MGMT: variants seen among roughly 807,000 people sequenced by gnomAD.
The protein encoded by MGMT is O-6-methylguanine-DNA methyltransferase.
A neutral mutation model predicts 15.9 loss-of-function variants in MGMT; 14 were observed. The observed-to-expected ratio is 0.88, with a 90% CI of 0.58 to 1.37. MGMT has a LOEUF of 1.37. Among genes scored for constraint, MGMT ranks in the 40% most tolerant of loss-of-function variants. The pLI is 0.00. For missense variants in MGMT, 282 were observed against 268.1 expected, an observed-to-expected ratio of 1.05 and a Z score of -0.36; for synonymous variants, 130 against 118.2, an observed-to-expected ratio of 1.10 and a Z score of -0.65.
At chr10:129,545,436 C>G (rs1174335692) in intron 2 of MGMT, among the ~76,000 whole-genome samples, 1 of 152,212 alleles carries the variant, frequency 6.6e-6, no homozygotes, top group East Asian at 1.9e-4. Flanking sequence ...CTCGTGATAT[C>G]ACTCGCCTAC....
intron 2 of MGMT, among the ~76,000 whole-genome samples, chr10:129,647,397 C>T (rs1440903465): frequency 1.3e-5 from 2 of 152,162 alleles, no homozygotes; most frequent in Admixed American, 6.5e-5. Flanking sequence ...CCCCAGGTGG[C>T]GTGTGCTGGG....
chr10:129,652,959 T>G (rs1329796058), intron 2 of MGMT, among the ~76,000 whole-genome samples: 1 of 152,206 alleles, frequency 6.6e-6, no homozygotes, highest in Non-Finnish European at 1.5e-5. Flanking sequence ...TCCCAAGCAG[T>G]GTGGGCTGAG....
At chr10:129,669,053 T>C (rs1301077458) in intron 2 of MGMT, among the ~76,000 whole-genome samples, 1 of 152,224 alleles carries the variant, frequency 6.6e-6, no homozygotes, top group Non-Finnish European at 1.5e-5. Flanking sequence ...CATTTATTAA[T>C]TGGCAGTGCT....
intron 2 of MGMT, among the ~76,000 whole-genome samples, chr10:129,540,722 C>G (rs1846033963): frequency 6.6e-6 from 1 of 152,196 alleles, no homozygotes; most frequent in Admixed American, 6.5e-5. Flanking sequence ...AGCATTCCCT[C>G]TTCTATTTTC....
At chr10:129,522,986 G>T (rs1380606209) in intron 1 of MGMT, among the ~76,000 whole-genome samples, 1 of 152,250 alleles carries the variant, frequency 6.6e-6, no homozygotes, top group Non-Finnish European at 1.5e-5. Flanking sequence ...TATAAAGAAT[G>T]AGGTTATTTT....
At chr10:129,615,583 C>T (rs1847015636) in intron 2 of MGMT, among the ~76,000 whole-genome samples, 1 of 152,200 alleles carries the variant, frequency 6.6e-6, no homozygotes, top group Admixed American at 6.5e-5. Flanking sequence ...ATTCCTCACC[C>T]TCTGCCCCAG....
rs146615004 is a variant in MGMT, at chr10:129,609,866, G to A, written c.125+73489G>A. 2.2e-4 allele frequency among the ~76,000 whole-genome samples: 34 copies of A among 152,322 alleles called. No individual in the cohort carries two copies. In the Middle Eastern group the frequency reaches 0.01, roughly 46 times the overall value. ...GGAGGCAGGCGGCAATGGTGGAGGC[G>A]TTGGCTGAGCAGGGCCTTTAGAAAA... On this transcript the variant is annotated intron_variant, in intron 2 of 4. Transcript: ENST00000651593.
intron 2 of MGMT, among the ~76,000 whole-genome samples, chr10:129,564,350 C>T (rs1166387993): frequency 1.9e-5 from 1 of 52,814 alleles, no homozygotes; most frequent in Non-Finnish European, 3.9e-5. Context: ...CTTTCCTCTT[C>T]TCCCCTTCCT....
chr10:129,484,336 T>A (rs1026892824), intron 1 of MGMT, among the ~76,000 whole-genome samples: 4 of 152,214 alleles, frequency 2.6e-5, no homozygotes, highest in African/African-American at 9.6e-5. Flanking sequence ...CCTTGATAGT[T>A]TAAAAAACGT....
At chr10:129,699,314 G>A (rs577655395) in intron 2 of MGMT, among the ~76,000 whole-genome samples, 1 of 151,764 alleles carries the variant, frequency 6.6e-6, no homozygotes, top group Non-Finnish European at 1.5e-5. Context: ...AGTCCTTATG[G>A]GGAAGAGTTG....
At chr10:129,691,461 C>T (rs931674551) in intron 2 of MGMT, among the ~76,000 whole-genome samples, 3 of 152,264 alleles carry the variant, frequency 2.0e-5, no homozygotes, top group Admixed American at 2.0e-4. Context: ...GCAGTGCAGG[C>T]ATCGCGAGTA....
chr10:129,745,098 A>G (rs1848678721), intron 3 of MGMT, among the ~76,000 whole-genome samples: 1 of 152,174 alleles, frequency 6.6e-6, no homozygotes, highest in Admixed American at 6.5e-5. Context: ...GTAGAGGGAA[A>G]GATTTTGCAG....
chr10:129,609,469 G>A (rs545203033), intron 2 of MGMT, among the ~76,000 whole-genome samples: 124 of 152,342 alleles, frequency 8.1e-4, no homozygotes, highest in Non-Finnish European at 1.5e-3. Flanking sequence ...GTCCCTGGAG[G>A]CTGGATGGTG....
chr10:129,472,512 C>G (rs1478543279), intron 1 of MGMT, among the ~76,000 whole-genome samples: 1 of 152,186 alleles, frequency 6.6e-6, no homozygotes, highest in Non-Finnish European at 1.5e-5. Context: ...TTTTGCAGAT[C>G]TGCACACACC....
chr10:129,510,667 A>AAGAAAT (rs1215074559), intron 1 of MGMT, among the ~76,000 whole-genome samples: 1 of 152,220 alleles, frequency 6.6e-6, no homozygotes, highest in Non-Finnish European at 1.5e-5. Context: ...AAAAATTCGT[A>AAGAAAT]AGAAATAGAT....
At chr10:129,759,474 G>T in intron 4 of MGMT, 133 bp downstream of exon 4, 1 of 1,368,178 alleles carries the variant, frequency 7.3e-7, no homozygotes, top group South Asian at 1.3e-5. Flanking sequence ...TATCTGTGAT[G>T]GGGACCATTA....
intron 2 of MGMT, among the ~76,000 whole-genome samples, chr10:129,549,138 G>A (rs1032490221): frequency 6.6e-6 from 1 of 152,200 alleles, no homozygotes; most frequent in Non-Finnish European, 1.5e-5. Context: ...TGGAGACACC[G>A]TGTTGGAATA....
intron 1 of MGMT, among the ~76,000 whole-genome samples, chr10:129,518,659 G>T (rs535381642): frequency 1.6e-5 from 2 of 126,280 alleles, no homozygotes; most frequent in African/African-American, 3.1e-5. Context: ...AGATTTTCAC[G>T]TCCTTAGGAT....
intron 2 of MGMT, among the ~76,000 whole-genome samples, chr10:129,614,284 C>T (rs961568229): frequency 1.3e-5 from 2 of 152,206 alleles, no homozygotes; most frequent in East Asian, 3.8e-4. Context: ...GATATGGGCT[C>T]TTTAAAAGCC....
Sources: allele counts gnomAD v4.1 joint callset (sites outside exome capture counted in the v4.1 genomes callset), GRCh38; gene constraint gnomAD v4.1.1; transcripts MANE v1.5; gene names NCBI Gene and HGNC (gene_info 2026-07-23, HGNC 2026-07-21).